ZFYVE16: variants seen among roughly 807,000 people sequenced by gnomAD.
ZFYVE16 encodes zinc finger FYVE domain-containing protein 16.
In ZFYVE16, 89 loss-of-function variants were observed where a neutral mutation model predicts 138.1. The observed-to-expected ratio is 0.64, with a 90% CI of 0.54 to 0.77. ZFYVE16 has a LOEUF of 0.77. Among genes scored for constraint, ZFYVE16 ranks in the 30% least tolerant of loss-of-function variants. The probability of loss-of-function intolerance (pLI) is 0.00; values close to 1 mark genes in which losing one functional copy is unlikely to be tolerated. For synonymous variants in ZFYVE16, 596 were observed against 618.3 expected, an observed-to-expected ratio of 0.96 and a Z score of 0.53; for missense variants, 1,793 against 1,786.7, an observed-to-expected ratio of 1.00 and a Z score of -0.06.
At chr5:80,457,524 G>C (rs1752641261) in intron 14 of ZFYVE16, among the ~76,000 whole-genome samples, 1 of 152,180 alleles carries the variant, frequency 6.6e-6, no homozygotes, top group African/African-American at 2.4e-5. Flanking sequence ...TGGCTGAATG[G>C]CTTCAGTGAT....
At position 80,437,749 on chromosome 5, in the gene ZFYVE16, A is replaced by T. The variant is rs181744911; in HGVS notation, c.1064A>T (p.Asp355Val). 1 of 1,614,166 alleles carries T rather than the reference A, an allele frequency of 6.2e-7. No homozygotes were observed. Among genetic ancestry groups the T allele is most frequent in the East Asian group, 2.2e-5 (1 of 44,886 alleles). Residue 355 changes from aspartate (D) to valine (V), a missense_variant, in exon 4 of 19, where the codon GAT becomes GTT. By Grantham distance (152) the Asp-to-Val change is radical (BLOSUM62 -3). This residue lies in a region of ZFYVE16 where 1,295 missense variants were observed against 1,204.3 expected (regional missense o/e 1.08). Coordinates refer to ENST00000505560, the MANE Select transcript of ZFYVE16 (RefSeq NM_001284236.3). ...AAAAGTTTAGACCTTAAGGATAATG[A>T]TGTAATCCAAGATTCCTCTTCAGCT... ...DSKSLDLKDN[D>V]VIQDSSSALH...
At chr5:80,416,570 T>C (rs1746288375) in intron 1 of ZFYVE16, among the ~76,000 whole-genome samples, 1 of 151,850 alleles carries the variant, frequency 6.6e-6, no homozygotes, top group Non-Finnish European at 1.5e-5. Context: ...TTTTTTTTTT[T>C]TTAATGTGTT....
intron 8 of ZFYVE16, among the ~76,000 whole-genome samples, chr5:80,449,087 A>G (rs856765): frequency 0.87 from 133,048 of 152,064 alleles, 58,934 homozygotes; most frequent in Non-Finnish European, 0.94. Flanking sequence ...AGTAAGCCCT[A>G]TTCTTTGTAT....
chr5:80,450,590 T>C lies in ZFYVE16; in HGVS notation c.3382+4T>C, dbSNP rs1751883596. On this transcript the variant is annotated splice_donor_region_variant and intron_variant, in intron 10 of 18. Coordinates refer to ENST00000505560, the MANE Select transcript of ZFYVE16 (RefSeq NM_001284236.3). ...ATATATAAGGATGCTCTAAAAGGTA[T>C]GGCATTTTATTTTGAACTGTTCAGA... is the stretch of plus-strand genomic sequence containing the variant. 1 of 1,612,516 alleles carries C rather than the reference T, an allele frequency of 6.2e-7. No homozygotes were observed. Among genetic ancestry groups the C allele is most frequent in the Non-Finnish European group, 8.5e-7 (1 of 1,179,414 alleles).
chr5:80,412,462 T>C (rs2112136719), intron 1 of ZFYVE16, among the ~76,000 whole-genome samples: 1 of 152,328 alleles, frequency 6.6e-6, no homozygotes, highest in African/African-American at 2.4e-5. Flanking sequence ...AAGTACATAC[T>C]GATTGATTGA....
rs561934833 is a variant in ZFYVE16 at position 80,457,485 on chromosome 5, G to A, written c.3943+393G>A. On this transcript the variant is annotated intron_variant, in intron 14 of 18. Transcript: ENST00000505560. ...ATTGATTTATAAAACGTAACAAACA[G>A]CATCTATGAATGACATTACTCTCAG... Among the ~76,000 whole-genome samples the A allele has an allele frequency of 3.3e-5, 5 of 152,276 alleles. No homozygotes were observed. In the South Asian group the frequency reaches 1.0e-3, roughly 32 times the overall value.
At position 80,440,824 on chromosome 5, in the gene ZFYVE16, A is replaced by G. The variant is rs1196410255; in HGVS notation, c.2419+792A>G. 10 of 985,138 alleles carry G rather than the reference A, an allele frequency of 1.0e-5. No individual in the cohort carries two copies. The Admixed American group carries it at 1.8e-4, about 18-fold the overall frequency. The allele number at this position is 985,138 out of a possible 1,614,324, so 61.0% of individuals were successfully genotyped here. A position where few individuals can be genotyped will look rare whatever the true frequency, so the allele number is the denominator to read the frequency against. On this transcript the variant is annotated intron_variant, in intron 5 of 18. Coordinates refer to ENST00000505560, the MANE Select transcript of ZFYVE16 (RefSeq NM_001284236.3). The stretch of plus-strand genomic sequence containing the variant: ...GGGCCTTTTTTGACCAGACCTGTGC[A>G]CTAGCTCAGGCACTGCTTCCTGTTA...
chr5:80,424,791 G>T (rs988928146), intron 1 of ZFYVE16, among the ~76,000 whole-genome samples: 2 of 152,052 alleles, frequency 1.3e-5, no homozygotes, highest in Non-Finnish European at 2.9e-5. Context: ...TTTGGTATCT[G>T]TTTATTTTGT....
At chr5:80,443,713 G>A in intron 6 of ZFYVE16, 1 of 456,518 alleles carries the variant, frequency 2.2e-6, no homozygotes, top group Admixed American at 2.3e-5. Flanking sequence ...ATCTGTTGGT[G>A]GTGCTGCTGC....
At chr5:80,439,064 C>T (rs1179895652) in intron 4 of ZFYVE16, 57 bp downstream of exon 4, 5 of 1,482,624 alleles carry the variant, frequency 3.4e-6, no homozygotes, top group South Asian at 1.3e-5. Context: ...TAAACAAATA[C>T]AATGTGATAG....
At chr5:80,465,396 C>CTTTTTTTTTTTTTT (rs1187412933) in intron 15 of ZFYVE16, among the ~76,000 whole-genome samples, 19 of 26,364 alleles carry the variant, frequency 7.2e-4, no homozygotes, top group East Asian at 1.3e-3. Context: ...TTTTCCTTTT[C>CTTTTTTTTTTTTTT]TTTGTTTTTT....
In ZFYVE16 at chr5:80,428,783, C is replaced by T. The variant is rs542406670; in HGVS notation, c.-40+1238C>T. On this transcript the variant is annotated intron_variant, in intron 2 of 18. Transcript: ENST00000505560. ...TAAATGACCTGATGGAGCTGAGAAC[C>T]ATGGCATGAGAACTACATGACAAAT... Among the ~76,000 whole-genome samples, 258 of 152,276 alleles carry T rather than the reference C, an allele frequency of 1.7e-3. 1 individual carries two copies. Among genetic ancestry groups the T allele is most frequent in the Middle Eastern group, 6.8e-3 (2 of 294 alleles).
chr5:80,418,297 C>T (rs1179957964), intron 1 of ZFYVE16, among the ~76,000 whole-genome samples: 1 of 134,110 alleles, frequency 7.5e-6, no homozygotes, highest in African/African-American at 2.9e-5. Context: ...CCCTCCCCTC[C>T]CCTGCCCTCC....
At chr5:80,421,038 G>C (rs1561235558) in intron 1 of ZFYVE16, among the ~76,000 whole-genome samples, 1 of 152,204 alleles carries the variant, frequency 6.6e-6, no homozygotes, top group African/African-American at 2.4e-5. Flanking sequence ...GCATTTCTCT[G>C]ATGGCCAGTG....
rs1561269141 is a variant in ZFYVE16, at chr5:80,436,920, T to C, written c.235T>C (p.Ser79Pro). 1.9e-6 allele frequency: 3 copies of C among 1,614,030 alleles called. No individual in the cohort carries two copies. The highest frequency in any genetic ancestry group is 2.5e-6 in the Non-Finnish European group (3 of 1,179,984). ...SETSYGTNES[S>P]LNEKTLKGLT... ...AACAAGCTATGGAACAAATGAGAGT[T>C]CCCTGAATGAAAAAACACTCAAGGG... The change falls in exon 4 of 19, where the codon TCC becomes CCC. Residue 79 changes from serine to proline, a missense_variant. Physicochemically the swap from Ser to Pro is moderately conservative, Grantham distance 74. Transcript: ENST00000505560.
Position 80,438,156 on chromosome 5 carries a change from G to C in ZFYVE16, c.1471G>C (p.Glu491Gln), listed in dbSNP as rs1313871593. 3.1e-6 allele frequency: 5 copies of C among 1,613,984 alleles called. No homozygotes were observed. Among genetic ancestry groups the C allele is most frequent in the Non-Finnish European group, 4.2e-6 (5 of 1,179,952 alleles). The change falls in exon 4 of 19, where the codon GAG (glutamate) becomes CAG (glutamine). Residue 491 changes from glutamate (E) to glutamine (Q), a missense_variant. This residue lies in a region of ZFYVE16 where 1,295 missense variants were observed against 1,204.3 expected (regional missense o/e 1.08). Coordinates refer to ENST00000505560, the MANE Select transcript of ZFYVE16 (RefSeq NM_001284236.3). The stretch of plus-strand genomic sequence containing the variant: ...GGGGCTTTCTGGCACTCATGTCCCA[G>C]AGTCTTCTGATTGTTGTGAAGGTTT... ...QEGLSGTHVP[E>Q]SSDCCEGFIN...
At chr5:80,471,640 T>G (rs1410061751) in intron 15 of ZFYVE16, among the ~76,000 whole-genome samples, 3 of 152,228 alleles carry the variant, frequency 2.0e-5, no homozygotes, top group Non-Finnish European at 2.9e-5. Flanking sequence ...TTTGTGTGTC[T>G]ATTATTTCTC....
At chr5:80,419,433 C>G (rs1746752149) in intron 1 of ZFYVE16, among the ~76,000 whole-genome samples, 1 of 152,090 alleles carries the variant, frequency 6.6e-6, no homozygotes, top group South Asian at 2.1e-4. Context: ...TTGCCAATAC[C>G]AAATTGCCCT....
chr5:80,416,486 C>T (rs1007092067), intron 1 of ZFYVE16, among the ~76,000 whole-genome samples: 2 of 151,250 alleles, frequency 1.3e-5, no homozygotes, highest in Non-Finnish European at 2.9e-5. Flanking sequence ...GATCTCTTGA[C>T]CTCAGGTGAT....
Sources: gnomAD v4.1 joint callset for allele counts (sites outside exome capture counted in the v4.1 genomes callset) on GRCh38, gnomAD v4.1.1 for gene constraint, gnomAD v4.1.1 regional missense constraint, MANE v1.5 for transcripts, NCBI Gene and HGNC (gene_info 2026-07-23, HGNC 2026-07-21) for gene names.